Variants in ZNF407 observed in about 807,000 individuals in gnomAD.
ZNF407 encodes the protein zinc finger protein 407.
In ZNF407, 17 loss-of-function variants were observed where a neutral mutation model predicts 131.2. The observed-to-expected ratio is 0.13, with a 90% CI of 0.09 to 0.19. The LOEUF is 0.19. Among genes scored for constraint, ZNF407 ranks in the 10% least tolerant of loss-of-function variants. ZNF407 has a pLI of 1.00. For synonymous variants in ZNF407, 1,156 were observed against 1,062.0 expected, an observed-to-expected ratio of 1.09 and a Z score of -1.72; for missense variants, 2,681 against 2,830.6, an observed-to-expected ratio of 0.95 and a Z score of 1.20.
chr18:74,959,866 C>A (rs1972318694), intron 8 of ZNF407, among the ~76,000 whole-genome samples: 1 of 152,166 alleles, frequency 6.6e-6, no homozygotes, highest in Non-Finnish European at 1.5e-5. Context: ...GGCATAATGA[C>A]CCTAAATAGT....
chr18:74,656,231 TTTAG>T (rs763876992), intron 3 of ZNF407, among the ~76,000 whole-genome samples: 2 of 152,102 alleles, frequency 1.3e-5, no homozygotes, highest in African/African-American at 2.4e-5. Flanking sequence ...AATTCAAAAC[TTTAG>T]TTAGGTTACT....
At chr18:74,655,948 G>A (rs895152644) in intron 3 of ZNF407, among the ~76,000 whole-genome samples, 8 of 151,982 alleles carry the variant, frequency 5.3e-5, no homozygotes, top group African/African-American at 1.9e-4. Context: ...TTATTAATAA[G>A]CATTTTTGCT....
intron 3 of ZNF407, among the ~76,000 whole-genome samples, chr18:74,668,943 G>C (rs1398542226): frequency 6.6e-6 from 1 of 151,996 alleles, no homozygotes; most frequent in Non-Finnish European, 1.5e-5. Flanking sequence ...TCTCATGCGT[G>C]TCACGTTCTG....
intron 4 of ZNF407, among the ~76,000 whole-genome samples, chr18:74,857,956 C>A (rs1325627129): frequency 1.4e-5 from 2 of 139,078 alleles, no homozygotes; most frequent in Non-Finnish European, 3.1e-5. Context: ...TCCTTCCCCA[C>A]CTTCCTGACT....
intron 8 of ZNF407, among the ~76,000 whole-genome samples, chr18:75,025,423 A>G (rs1208770587): frequency 6.6e-6 from 1 of 152,238 alleles, no homozygotes; most frequent in African/African-American, 2.4e-5. Flanking sequence ...AGGGTATTCA[A>G]TCTTTCTTTA....
chr18:74,929,389 T>TA (rs137939850), intron 8 of ZNF407, among the ~76,000 whole-genome samples: 151 of 145,962 alleles, frequency 1.0e-3, no homozygotes, highest in Middle Eastern at 3.5e-3. Flanking sequence ...TTAAAACAGT[T>TA]AAAAAAAAAA....
At chr18:74,750,790 T>C (rs1968783005) in intron 3 of ZNF407, among the ~76,000 whole-genome samples, 1 of 152,190 alleles carries the variant, frequency 6.6e-6, no homozygotes, top group Non-Finnish European at 1.5e-5. Flanking sequence ...AGCCATCAAA[T>C]GTTTCTTGCT....
intron 7 of ZNF407, among the ~76,000 whole-genome samples, chr18:74,895,727 G>A (rs1268205919): frequency 6.6e-6 from 1 of 152,130 alleles, no homozygotes; most frequent in African/African-American, 2.4e-5. Context: ...ATAATGCATA[G>A]CTAAGTAATA....
chr18:74,703,395 T>A lies in ZNF407; in HGVS notation c.4802+62273T>A, dbSNP rs1226647226. On this transcript the variant is annotated intron_variant, in intron 3 of 8. Transcript: ENST00000299687. This position sits in a 1 kb window ranked among gnomAD's most constrained non-coding sequence, Gnocchi z 4.1. ...TCTCTCTCTTTTCTGAGATGGAGTTTCACTCTTGTTGCCCAGGCTGGAGTG... is the reference window on the plus strand; with the variant it reads ...TCTCTCTCTTTTCTGAGATGGAGTTACACTCTTGTTGCCCAGGCTGGAGTG... Among the ~76,000 whole-genome samples the A allele has an allele frequency of 6.6e-6, 1 of 152,148 alleles. No homozygotes were observed. Among genetic ancestry groups the A allele is most frequent in the Non-Finnish European group, 1.5e-5 (1 of 68,028 alleles).
intron 3 of ZNF407, among the ~76,000 whole-genome samples, chr18:74,736,866 C>T (rs544194304): frequency 6.6e-6 from 1 of 152,244 alleles, no homozygotes; most frequent in Admixed American, 6.5e-5. Context: ...CTGTCATTAT[C>T]CTTCTATTCT....
rs901170699 is a variant in ZNF407 at position 74,646,789 on chromosome 18, G to A, written c.4802+5667G>A. Among the ~76,000 whole-genome samples the A allele has an allele frequency of 1.1e-4, 16 of 152,232 alleles. No homozygotes were observed. The East Asian group carries it at 2.5e-3, about 24-fold the overall frequency. On this transcript the variant is annotated intron_variant, in intron 3 of 8. Coordinates refer to ENST00000299687, the MANE Select transcript of ZNF407 (RefSeq NM_017757.3). ...TTCCAGTGAACTGTTTGGTGAAGCCGGGAGAGTGCTGGGGTGTTAGGACAG... is the reference window on the plus strand; with the variant it reads ...TTCCAGTGAACTGTTTGGTGAAGCCAGGAGAGTGCTGGGGTGTTAGGACAG...
intron 8 of ZNF407, among the ~76,000 whole-genome samples, chr18:75,010,729 G>A (rs1972964675): frequency 6.6e-6 from 1 of 152,114 alleles, no homozygotes; most frequent in Non-Finnish European, 1.5e-5. Flanking sequence ...TTGAGAACTT[G>A]GGAGTACTTT....
Position 74,934,299 on chromosome 18 carries a change from AT to A in ZNF407, c.5428+13615del, listed in dbSNP as rs201160495. On this transcript the variant is annotated intron_variant, in intron 8 of 8. Transcript: ENST00000299687. ...CACTATTGTATGGAATATAAATTTT[AT>A]TTTTTTTCTCATTGAGAGAGTACTT... is the stretch of plus-strand genomic sequence containing the variant. 2.4e-4 allele frequency among the ~76,000 whole-genome samples: 36 copies of A among 152,084 alleles called. No individual in the cohort carries two copies. In the East Asian group the frequency reaches 6.6e-3, roughly 28 times the overall value.
At chr18:75,030,598 G>A (rs1973227871) in intron 8 of ZNF407, among the ~76,000 whole-genome samples, 1 of 152,234 alleles carries the variant, frequency 6.6e-6, no homozygotes, top group African/African-American at 2.4e-5. Context: ...TTGGCCAGGT[G>A]ACATACTAGA....
At chr18:74,844,138 C>T (rs1246344620) in intron 4 of ZNF407, among the ~76,000 whole-genome samples, 1 of 152,188 alleles carries the variant, frequency 6.6e-6, no homozygotes, top group Non-Finnish European at 1.5e-5. Flanking sequence ...TGCCCTGCTC[C>T]TCTACATGCT....
chr18:74,685,978 A>G (rs540236070), intron 3 of ZNF407, among the ~76,000 whole-genome samples: 1 of 152,346 alleles, frequency 6.6e-6, no homozygotes, highest in Non-Finnish European at 1.5e-5. Context: ...TGGTTTCCCA[A>G]GGCACCTTGA....
At chr18:75,050,312 A>C (rs1411005752) in intron 8 of ZNF407, among the ~76,000 whole-genome samples, 1 of 152,228 alleles carries the variant, frequency 6.6e-6, no homozygotes, top group Non-Finnish European at 1.5e-5. Context: ...ATTATGTTAC[A>C]TATTTTATTG....
chr18:74,633,389 T>A lies in ZNF407; in HGVS notation c.2370T>A (p.Asp790Glu), dbSNP rs374452326. 1.4e-5 allele frequency: 22 copies of A among 1,613,864 alleles called. No individual in the cohort carries two copies. The African/African-American group carries it at 1.6e-4, about 12-fold the overall frequency. The change falls in exon 2 of 9, where the codon GAT becomes GAA. Residue 790 changes from aspartate to glutamate, a missense_variant. This residue lies in a region of ZNF407 where 1,789 missense variants were observed against 1,748.7 expected (regional missense o/e 1.02). Coordinates refer to ENST00000299687, the MANE Select transcript of ZNF407 (RefSeq NM_017757.3). ...IGANDKKEEF[D>E]VSGNGRIEGH... is the part of the protein sequence containing the mutation. ...CAAATGATAAAAAAGAAGAGTTTGA[T>A]GTTTCCGGAAATGGAAGGATTGAAG...
intron 4 of ZNF407, among the ~76,000 whole-genome samples, chr18:74,874,969 A>G (rs564494403): frequency 6.6e-6 from 1 of 152,146 alleles, no homozygotes; most frequent in East Asian, 1.9e-4. Context: ...AGCTGTATGC[A>G]TTATTAGCTC....
Sources: gnomAD v4.1 joint callset for allele counts (sites outside exome capture counted in the v4.1 genomes callset) on GRCh38, gnomAD v4.1.1 for gene constraint, gnomAD v4.1.1 regional missense constraint, Gnocchi (gnomAD v3.1) non-coding constraint, MANE v1.5 for transcripts, NCBI Gene and HGNC (gene_info 2026-07-23, HGNC 2026-07-21) for gene names.